Variants in RAB6A observed in about 807,000 individuals in gnomAD.
The protein encoded by RAB6A is RAB6A, member RAS oncogene family, also known as ras-related protein Rab-6A.
A neutral mutation model predicts 32.3 loss-of-function variants in RAB6A; 8 were observed. The ratio of observed to expected loss-of-function variants is 0.25; its 90% CI spans 0.15 to 0.45. The LOEUF is 0.45. Among genes scored for constraint, RAB6A ranks in the 20% least tolerant of loss-of-function variants. The pLI is 1.00. For missense variants in RAB6A, 104 were observed against 249.4 expected (o/e 0.42, Z 3.93); for synonymous variants, 73 against 82.1 (o/e 0.89, Z 0.60).
At chr11:73,749,336 G>C (rs186955102) in intron 1 of RAB6A, among the ~76,000 whole-genome samples, 1 of 152,174 alleles carries the variant, frequency 6.6e-6, no homozygotes, top group African/African-American at 2.4e-5. Flanking sequence ...AAAACAATGA[G>C]ATAATGGACT....
intron 6 of RAB6A, among the ~76,000 whole-genome samples, chr11:73,697,728 G>A (rs917564915): frequency 6.6e-6 from 1 of 152,140 alleles, no homozygotes. Flanking sequence ...ATACCAGAAT[G>A]TAAGCTCCAT....
At chr11:73,702,077 G>A (rs998947360) in intron 6 of RAB6A, among the ~76,000 whole-genome samples, 1 of 152,190 alleles carries the variant, frequency 6.6e-6, no homozygotes, top group Non-Finnish European at 1.5e-5. Flanking sequence ...TCAGCAAAGC[G>A]AACAATACAT....
At chr11:73,689,001 T>A (rs991134095) in intron 6 of RAB6A, among the ~76,000 whole-genome samples, 1 of 151,992 alleles carries the variant, frequency 6.6e-6, no homozygotes, top group Non-Finnish European at 1.5e-5. Flanking sequence ...TAGGCTCCTG[T>A]AGTCCAAGCT....
At chr11:73,709,033 A>G (rs1215021273) in intron 5 of RAB6A, among the ~76,000 whole-genome samples, 1 of 152,178 alleles carries the variant, frequency 6.6e-6, no homozygotes, top group Non-Finnish European at 1.5e-5. Flanking sequence ...AAATTTTCTG[A>G]AACACTTTTA....
At chr11:73,760,448 G>T in intron 1 of RAB6A, 118 bp downstream of exon 1, 1 of 1,347,198 alleles carries the variant, frequency 7.4e-7, no homozygotes, top group Non-Finnish European at 1.0e-6. Context: ...AAGGGCTGCG[G>T]TGGCAACGAG....
At chr11:73,757,360 G>A (rs961676367) in intron 1 of RAB6A, among the ~76,000 whole-genome samples, 5 of 148,620 alleles carry the variant, frequency 3.4e-5, no homozygotes, top group Admixed American at 1.3e-4. Context: ...GGGGGGAGCC[G>A]GGGACTCCAC....
intron 7 of RAB6A, among the ~76,000 whole-genome samples, chr11:73,679,050 T>C (rs566060649): frequency 1.3e-5 from 2 of 152,222 alleles, no homozygotes; most frequent in South Asian, 4.2e-4. Flanking sequence ...TATGAAAACA[T>C]ATAACATTTA....
chr11:73,713,498 G>C (rs1363690943), intron 5 of RAB6A, among the ~76,000 whole-genome samples: 5 of 151,904 alleles, frequency 3.3e-5, no homozygotes, highest in Admixed American at 1.3e-4. Flanking sequence ...AACCCGGGAG[G>C]GGGAGCTTGC....
intron 2 of RAB6A, among the ~76,000 whole-genome samples, chr11:73,725,513 C>T (rs1320836808): frequency 6.6e-6 from 1 of 152,048 alleles, no homozygotes; most frequent in Non-Finnish European, 1.5e-5. Flanking sequence ...GCTGGGGAGG[C>T]CTCACAATCA....
intron 5 of RAB6A, among the ~76,000 whole-genome samples, chr11:73,714,209 A>AAATATATATATAT (rs35864471): frequency 4.7e-4 from 27 of 57,542 alleles, no homozygotes; most frequent in East Asian, 1.2e-3. Flanking sequence ...AAAAAAAAAA[A>AAATATATATATAT]ATATATATAT....
At chr11:73,739,284 A>AAAAAAATATATAT (rs1208877325) in intron 1 of RAB6A, among the ~76,000 whole-genome samples, 2 of 6,760 alleles carry the variant, frequency 3.0e-4, no homozygotes, top group Non-Finnish European at 3.4e-4. Context: ...AAAAAAAAAA[A>AAAAAAATATATAT]ATATATATAT....
chr11:73,730,972 T>C (rs960617233), intron 1 of RAB6A, 149 bp from the exon 2 acceptor site: 4 of 595,106 alleles, frequency 6.7e-6, no homozygotes, highest in East Asian at 6.2e-5. Context: ...AGCCCCAAGA[T>C]TGTCAAAATG....
At chr11:73,748,249 T>G (rs1946621407) in intron 1 of RAB6A, among the ~76,000 whole-genome samples, 1 of 152,178 alleles carries the variant, frequency 6.6e-6, no homozygotes, top group Non-Finnish European at 1.5e-5. Flanking sequence ...AATATAGAGA[T>G]CCTGAAATAT....
intron 4 of RAB6A, among the ~76,000 whole-genome samples, chr11:73,718,345 G>A (rs550569446): frequency 9.9e-5 from 15 of 152,182 alleles, no homozygotes; most frequent in African/African-American, 3.1e-4. Context: ...TATGGTTTAC[G>A]AATAACAGGA....
chr11:73,737,555 C>T (rs915111153), intron 1 of RAB6A, among the ~76,000 whole-genome samples: 1 of 152,024 alleles, frequency 6.6e-6, no homozygotes, highest in African/African-American at 2.4e-5. Context: ...CCCATAAGAG[C>T]CAAAGTGCAG....
chr11:73,745,483 G>A (rs925819936), intron 1 of RAB6A, among the ~76,000 whole-genome samples: 4 of 152,074 alleles, frequency 2.6e-5, no homozygotes, highest in African/African-American at 7.2e-5. Flanking sequence ...AGTGACTAAC[G>A]CCTATAATCC....
rs35035887 is a variant in RAB6A at position 73,684,168 on chromosome 11, G to GTT, written c.496-4450_496-4449dup. 3.5e-3 allele frequency among the ~76,000 whole-genome samples: 506 copies of GTT among 144,346 alleles called. 1 individual carries two copies. Among genetic ancestry groups the GTT allele is most frequent in the Non-Finnish European group, 4.6e-3 (303 of 66,502 alleles). The allele number at this position is 144,346 out of a possible 152,430, so 94.7% of individuals were successfully genotyped here. A position where few individuals can be genotyped will look rare whatever the true frequency, so the allele number is the denominator to read the frequency against. On this transcript the variant is annotated intron_variant, in intron 6 of 7. Coordinates refer to ENST00000336083, the MANE Select transcript of RAB6A (RefSeq NM_198896.2). ...TTTTAATTAAGATACATACATTGTT[G>GTT]TTTTTTTTTTTTTTCTGAGACAGAG...
chr11:73,746,850 C>G (rs565778383), intron 1 of RAB6A, among the ~76,000 whole-genome samples: 1 of 152,144 alleles, frequency 6.6e-6, no homozygotes, highest in Admixed American at 6.6e-5. Flanking sequence ...ACCACGCAAC[C>G]ATGAGACAAG....
chr11:73,730,653 T>C, intron 2 of RAB6A, 112 bp downstream of exon 2: 1 of 820,134 alleles, frequency 1.2e-6, no homozygotes, highest in Non-Finnish European at 2.0e-6. Flanking sequence ...TTTTACAGAT[T>C]ATAGAAAGTA....
Sources: allele counts gnomAD v4.1 joint callset (sites outside exome capture counted in the v4.1 genomes callset), GRCh38; gene constraint gnomAD v4.1.1; transcripts MANE v1.5; gene names NCBI Gene and HGNC (gene_info 2026-07-23, HGNC 2026-07-21).